VAC14: variants seen among roughly 807,000 people sequenced by gnomAD.
VAC14 encodes VAC14 component of PIKFYVE complex.
A neutral mutation model predicts 85.3 loss-of-function variants in VAC14; 47 were observed. The observed-to-expected ratio is 0.55, with a 90% CI of 0.44 to 0.70. The LOEUF is 0.70. Ranked by LOEUF, VAC14 falls within the 30% of genes least tolerant of loss-of-function variation. The probability of loss-of-function intolerance (pLI) is 0.00; values close to 1 mark genes in which losing one functional copy is unlikely to be tolerated. For synonymous variants in VAC14, 447 were observed against 430.5 expected (o/e 1.04, Z -0.47); for missense variants, 861 against 1,004.3 (o/e 0.86, Z 1.93).
intron 14 of VAC14, among the ~76,000 whole-genome samples, chr16:70,703,350 G>A (rs2053864713): frequency 6.6e-6 from 1 of 152,342 alleles, no homozygotes; most frequent in South Asian, 2.1e-4. Flanking sequence ...ACCTGAACAG[G>A]GTCTGGGAGG....
At chr16:70,725,507 C>A (rs1286858383) in intron 14 of VAC14, among the ~76,000 whole-genome samples, 1 of 152,160 alleles carries the variant, frequency 6.6e-6, no homozygotes, top group Non-Finnish European at 1.5e-5. Context: ...CCCCCCACCC[C>A]CTCAGTGACC....
chr16:70,691,551 T>A, intron 18 of VAC14: 3 of 985,406 alleles, frequency 3.0e-6, no homozygotes, highest in Non-Finnish European at 3.6e-6. Flanking sequence ...CCTGCTCCCC[T>A]GGGGACACTG....
At chr16:70,745,186 C>A (rs1473427277) in intron 12 of VAC14, 1 of 152,900 alleles carries the variant, frequency 6.5e-6, no homozygotes, top group Admixed American at 6.5e-5. Flanking sequence ...AGTGTCCCTG[C>A]ACAGATGTGG....
At chr16:70,741,468 T>C (rs2030299915) in intron 13 of VAC14, among the ~76,000 whole-genome samples, 2 of 152,222 alleles carry the variant, frequency 1.3e-5, no homozygotes, top group South Asian at 2.1e-4. Context: ...TTTAAAATCA[T>C]GGCCCCATTT....
At position 70,800,908 on chromosome 16, in the gene VAC14, G is replaced by C. The variant is rs749956692; in HGVS notation, c.-8C>G. The stretch of plus-strand genomic sequence containing the variant: ...ATCCTTCTCGGGGTTCATGGTGGCA[G>C]CTGGGGGAACCTCGCGACTCCTTAG... On this transcript the variant is annotated 5_prime_UTR_variant, in exon 1 of 19. Coordinates refer to ENST00000261776, the MANE Select transcript of VAC14 (RefSeq NM_018052.5). 1.3e-6 allele frequency: 2 copies of C among 1,568,530 alleles called. No individual in the cohort carries two copies. Among genetic ancestry groups the C allele is most frequent in the South Asian group, 1.1e-5 (1 of 87,386 alleles).
chr16:70,774,507 T>G (rs1487788543), intron 9 of VAC14, among the ~76,000 whole-genome samples: 1 of 152,220 alleles, frequency 6.6e-6, no homozygotes, highest in Non-Finnish European at 1.5e-5. Context: ...ACTGTTTTTC[T>G]GTTTGTAATT....
At chr16:70,769,890 G>A (rs182597779) in intron 10 of VAC14, 5 of 152,310 alleles carry the variant, frequency 3.3e-5, no homozygotes, top group African/African-American at 1.2e-4. Context: ...ACAGGCTTTT[G>A]GCTGCCAGAG....
intron 13 of VAC14, among the ~76,000 whole-genome samples, chr16:70,743,405 C>T (rs900746327): frequency 4.6e-5 from 7 of 152,264 alleles, no homozygotes; most frequent in East Asian, 1.9e-4. Context: ...TCCCCTTCCA[C>T]GCTGTGGAAG....
At chr16:70,748,771 A>AC (rs372756556) in intron 12 of VAC14, among the ~76,000 whole-genome samples, 12 of 151,926 alleles carry the variant, frequency 7.9e-5, no homozygotes, top group African/African-American at 2.9e-4. Context: ...ACATGGTGAA[A>AC]CCCCCTCTCT....
chr16:70,687,869 G>T lies in VAC14; in HGVS notation c.*59C>A, dbSNP rs1045955838. ...AGGTCCTTGAGCTCCTCGGGAGGGC[G>T]TGACGACCCTTAGTGTTTCATGGGA... is the stretch of plus-strand genomic sequence containing the variant. On this transcript the variant is annotated 3_prime_UTR_variant, in exon 19 of 19. Coordinates refer to ENST00000261776, the MANE Select transcript of VAC14 (RefSeq NM_018052.5). 2.9e-6 allele frequency: 4 copies of T among 1,395,278 alleles called. No homozygotes were observed. The highest frequency in any genetic ancestry group is 3.8e-6 in the Non-Finnish European group (4 of 1,064,648). The allele number at this position is 1,395,278 out of a possible 1,614,324, so 86.4% of individuals were successfully genotyped here.
At chr16:70,696,566 G>T (rs752755682) in intron 16 of VAC14, among the ~76,000 whole-genome samples, 1 of 152,232 alleles carries the variant, frequency 6.6e-6, no homozygotes, top group African/African-American at 2.4e-5. Flanking sequence ...GTGCTGAGGT[G>T]AGAATGGGTG....
intron 5 of VAC14, 74 bp downstream of exon 5, chr16:70,784,039 G>A: frequency 8.2e-7 from 1 of 1,226,740 alleles, no homozygotes; most frequent in Non-Finnish European, 1.2e-6. Flanking sequence ...TAGCCAAAGG[G>A]CCTGACAAGA....
intron 12 of VAC14, among the ~76,000 whole-genome samples, chr16:70,753,554 G>C (rs1035829069): frequency 6.6e-6 from 1 of 152,224 alleles, no homozygotes; most frequent in African/African-American, 2.4e-5. Context: ...CCAGGGCTGA[G>C]AGCTGGGGGT....
intron 18 of VAC14, chr16:70,689,972 A>G (rs563025982): frequency 6.1e-6 from 6 of 985,508 alleles, no homozygotes; most frequent in East Asian, 1.1e-4. Flanking sequence ...GTGTGACCCT[A>G]AAGTGTGTCT....
At chr16:70,780,419 C>G (rs1022589071) in intron 9 of VAC14, among the ~76,000 whole-genome samples, 2 of 152,152 alleles carry the variant, frequency 1.3e-5, no homozygotes, top group Admixed American at 6.5e-5. Context: ...TCCTCCCATG[C>G]TCCAAACCTT....
In VAC14 at chr16:70,781,891, C is replaced by T; in HGVS notation, c.924G>A (p.Leu308=). 2 of 1,614,078 alleles carry T rather than the reference C, an allele frequency of 1.2e-6. No homozygotes were observed. Among genetic ancestry groups the T allele is most frequent in the Non-Finnish European group, 1.7e-6 (2 of 1,180,016 alleles). ...TACTTTTCTTGCGGTCATCGTAGGC[C>T]AAGCAGGGCAAGACAGCAGTCAGGA... The part of the protein sequence containing the change: ...SGILTAVLPC[L]AYDDRKKSIK... The change falls in exon 8 of 19, where the codon TTG becomes TTA. Residue 308 remains leucine (L), a synonymous_variant. Coordinates refer to ENST00000261776, the MANE Select transcript of VAC14 (RefSeq NM_018052.5).
At chr16:70,773,987 C>G (rs529551573) in intron 9 of VAC14, among the ~76,000 whole-genome samples, 1 of 151,438 alleles carries the variant, frequency 6.6e-6, no homozygotes, top group Non-Finnish European at 1.5e-5. Context: ...GTTACCCAGG[C>G]TGGTTACAAA....
chr16:70,712,436 T>A (rs1448314388), intron 14 of VAC14, among the ~76,000 whole-genome samples: 3 of 151,892 alleles, frequency 2.0e-5, no homozygotes, highest in Non-Finnish European at 4.4e-5. Flanking sequence ...GATTTAATAC[T>A]GGGATATGGC....
At chr16:70,783,977 T>C (rs2033933524) in intron 5 of VAC14, 136 bp downstream of exon 5, 2 of 712,406 alleles carry the variant, frequency 2.8e-6, no homozygotes, top group Admixed American at 2.6e-5. Flanking sequence ...TAAGGTGTTT[T>C]TGAATTATCA....
Sources: allele counts gnomAD v4.1 joint callset (sites outside exome capture counted in the v4.1 genomes callset), GRCh38; gene constraint gnomAD v4.1.1; transcripts MANE v1.5; gene names NCBI Gene and HGNC (gene_info 2026-07-23, HGNC 2026-07-21).